The following BCKDHB variants were observed in gnomAD, a reference collection of about 807,000 sequenced individuals.
The protein encoded by BCKDHB is 2-oxoisovalerate dehydrogenase subunit beta, mitochondrial.
In BCKDHB, 41 loss-of-function variants were observed where a neutral mutation model predicts 48.5. The observed-to-expected ratio is 0.85, with a 90% CI of 0.66 to 1.10. BCKDHB has a LOEUF of 1.10. Among genes scored for constraint, BCKDHB ranks in the 50% least tolerant of loss-of-function variants. BCKDHB has a pLI of 0.00. For missense variants in BCKDHB, 496 were observed against 494.2 expected, an observed-to-expected ratio of 1.00 and a Z score of -0.03; for synonymous variants, 201 against 174.8, an observed-to-expected ratio of 1.15 and a Z score of -1.18.
At chr6:80,155,136 G>T (rs776282804) in intron 3 of BCKDHB, among the ~76,000 whole-genome samples, 1 of 151,956 alleles carries the variant, frequency 6.6e-6, no homozygotes, top group South Asian at 2.1e-4. Context: ...TTTTATTCCT[G>T]TTTTCTTAAC....
At chr6:80,241,484 T>C (rs1776387933) in intron 8 of BCKDHB, among the ~76,000 whole-genome samples, 1 of 152,196 alleles carries the variant, frequency 6.6e-6, no homozygotes, top group Non-Finnish European at 1.5e-5. Context: ...TTTGTGCTTG[T>C]TGGTTTTCCT....
intron 9 of BCKDHB, among the ~76,000 whole-genome samples, chr6:80,334,480 A>G (rs1769471975): frequency 6.6e-6 from 1 of 152,004 alleles, no homozygotes; most frequent in Non-Finnish European, 1.5e-5. Context: ...CCTAATGATG[A>G]TAGTATAGAA....
At chr6:80,215,929 A>G (rs1025597963) in intron 8 of BCKDHB, among the ~76,000 whole-genome samples, 1 of 152,050 alleles carries the variant, frequency 6.6e-6, no homozygotes, top group Non-Finnish European at 1.5e-5. Context: ...TTTAGTACAG[A>G]CAGGGTTTCA....
At chr6:80,273,548 T>G (rs573321895) in intron 9 of BCKDHB, among the ~76,000 whole-genome samples, 2 of 152,220 alleles carry the variant, frequency 1.3e-5, no homozygotes, top group Admixed American at 6.5e-5. Flanking sequence ...GAAAAATCTT[T>G]TTAATTTGAA....
chr6:80,140,425 A>G (rs1771133941), intron 3 of BCKDHB, among the ~76,000 whole-genome samples: 1 of 152,092 alleles, frequency 6.6e-6, no homozygotes, highest in African/African-American at 2.4e-5. Context: ...ATTCAGTATG[A>G]TATTGGCTGT....
chr6:80,268,381 A>G (rs1777601741), intron 8 of BCKDHB, among the ~76,000 whole-genome samples: 1 of 152,152 alleles, frequency 6.6e-6, no homozygotes, highest in South Asian at 2.1e-4. Context: ...TGCATTACAT[A>G]TATGAGGTTC....
chr6:80,320,271 A>T (rs1358742562), intron 9 of BCKDHB, among the ~76,000 whole-genome samples: 1 of 152,202 alleles, frequency 6.6e-6, no homozygotes, highest in Non-Finnish European at 1.5e-5. Context: ...TGTTCCACAG[A>T]CGCAACAGGT....
At chr6:80,154,017 G>T (rs1016836713) in intron 3 of BCKDHB, among the ~76,000 whole-genome samples, 2 of 152,020 alleles carry the variant, frequency 1.3e-5, no homozygotes, top group Admixed American at 6.6e-5. Context: ...CTTATTTCCT[G>T]CCTTTGGTCA....
intron 6 of BCKDHB, among the ~76,000 whole-genome samples, chr6:80,172,031 C>T (rs1032953847): frequency 2.6e-5 from 4 of 152,132 alleles, no homozygotes; most frequent in Non-Finnish European, 4.4e-5. Flanking sequence ...GATCCATTCT[C>T]CCTATGCCAA....
chr6:80,134,022 TGA>T (rs138749438), intron 3 of BCKDHB, among the ~76,000 whole-genome samples: 57 of 152,046 alleles, frequency 3.7e-4, no homozygotes, highest in African/African-American at 1.3e-3. Context: ...TGTCATTCTC[TGA>T]GAGAGAGAGA....
At chr6:80,275,117 T>A (rs1278981176) in intron 9 of BCKDHB, among the ~76,000 whole-genome samples, 3 of 152,064 alleles carry the variant, frequency 2.0e-5, no homozygotes, top group African/African-American at 7.2e-5. Context: ...ACTCTCAGAC[T>A]CCCAGGAATG....
At chr6:80,127,412 G>A in intron 1 of BCKDHB, 135 bp from the exon 2 acceptor site, 2 of 764,920 alleles carry the variant, frequency 2.6e-6, no homozygotes, top group Non-Finnish European at 4.4e-6. Flanking sequence ...TAGTATTATT[G>A]TAAATAATTC....
At chr6:80,165,463 C>T (rs1772525015) in intron 3 of BCKDHB, among the ~76,000 whole-genome samples, 1 of 151,986 alleles carries the variant, frequency 6.6e-6, no homozygotes, top group African/African-American at 2.4e-5. Context: ...CGTTCATATT[C>T]AAAGGAAATG....
the BCKDHB span, among the ~76,000 whole-genome samples, chr6:80,460,297 C>T: frequency 1.3e-5 from 2 of 152,094 alleles, no homozygotes; most frequent in East Asian, 1.9e-4. Context: ...TCCATGATAT[C>T]CTTTAGGAAT....
chr6:80,445,668 A>C, the BCKDHB span, among the ~76,000 whole-genome samples: 2 of 152,224 alleles, frequency 1.3e-5, no homozygotes, highest in Non-Finnish European at 2.9e-5. Flanking sequence ...TAGCAGATAC[A>C]TCTTAATAGC....
intron 6 of BCKDHB, among the ~76,000 whole-genome samples, chr6:80,181,650 G>A (rs1335131702): frequency 6.6e-6 from 1 of 152,194 alleles, no homozygotes; most frequent in African/African-American, 2.4e-5. Flanking sequence ...CACCCTGCGG[G>A]CTGGCTCAAG....
the BCKDHB span, among the ~76,000 whole-genome samples, chr6:80,379,603 G>A: frequency 6.6e-6 from 1 of 151,946 alleles, no homozygotes; most frequent in Non-Finnish European, 1.5e-5. Flanking sequence ...CCAGAACAAT[G>A]AGGCAAGAAA....
chr6:80,149,777 A>G lies in BCKDHB; in HGVS notation c.344-17901A>G, dbSNP rs531078273. On this transcript the variant is annotated intron_variant, in intron 3 of 9. Transcript: ENST00000320393. ...CTCACTCATAGGTGGGAATTGAACA[A>G]TGAGAACACATGGACACAGGAAGGG... Among the ~76,000 whole-genome samples, 15 of 142,992 alleles carry G rather than the reference A, an allele frequency of 1.0e-4. No homozygotes were observed. In the East Asian group the frequency reaches 1.8e-3, roughly 17 times the overall value. The allele number at this position is 142,992 out of a possible 152,430, so 93.8% of individuals were successfully genotyped here.
the BCKDHB span, among the ~76,000 whole-genome samples, chr6:80,441,512 G>A: frequency 6.6e-6 from 1 of 152,046 alleles, no homozygotes; most frequent in South Asian, 2.1e-4. Flanking sequence ...AAATAATTTA[G>A]TAATTTTTTG....
Sources: gnomAD v4.1 joint callset for allele counts (sites outside exome capture counted in the v4.1 genomes callset) on GRCh38, gnomAD v4.1.1 for gene constraint, MANE v1.5 for transcripts, NCBI Gene and HGNC (gene_info 2026-07-23, HGNC 2026-07-21) for gene names.